The following TRHDE variants were observed in gnomAD, a reference collection of about 807,000 sequenced individuals.
TRHDE encodes thyrotropin-releasing hormone-degrading ectoenzyme.
In TRHDE, 72 loss-of-function variants were observed where a neutral mutation model predicts 125.7. That is an observed-to-expected ratio of 0.57 (90% CI 0.47 to 0.70). The LOEUF is 0.70. Ranked by LOEUF, TRHDE falls within the 30% of genes least tolerant of loss-of-function variation. The pLI is 0.00. For synonymous variants in TRHDE, 509 were observed against 509.1 expected (o/e 1.00, Z 0.00); for missense variants, 1,110 against 1,327.1 (o/e 0.84, Z 2.54).
At chr12:72,621,962 A>G (rs1019720266) in intron 15 of TRHDE, among the ~76,000 whole-genome samples, 1 of 152,146 alleles carries the variant, frequency 6.6e-6, no homozygotes, top group African/African-American at 2.4e-5. Context: ...CTTTATGCTA[A>G]CTTTATTAAT....
At chr12:72,383,381 T>TC (rs1377547188) in intron 3 of TRHDE, among the ~76,000 whole-genome samples, 2 of 146,154 alleles carry the variant, frequency 1.4e-5, no homozygotes, top group East Asian at 4.0e-4. Context: ...TTTTTTTTTT[T>TC]TTTTTTTTTT....
At chr12:72,392,174 T>C (rs141457422) in intron 3 of TRHDE, among the ~76,000 whole-genome samples, 2 of 152,290 alleles carry the variant, frequency 1.3e-5, no homozygotes, top group Admixed American at 1.3e-4. Flanking sequence ...AGAAAATACA[T>C]TTCTACTGTT....
At position 72,665,494 on chromosome 12, in the gene TRHDE, A is replaced by C. The variant is rs1875081363; in HGVS notation, c.*2299A>C. 1 of 152,460 alleles carries C rather than the reference A, an allele frequency of 6.6e-6. No homozygotes were observed. The highest frequency in any genetic ancestry group is 1.5e-5 in the Non-Finnish European group (1 of 67,948). The allele number at this position is 152,460 out of a possible 1,614,324, so 9.4% of individuals were successfully genotyped here. On this transcript the variant is annotated 3_prime_UTR_variant, in exon 19 of 19. Coordinates refer to ENST00000261180, the MANE Select transcript of TRHDE (RefSeq NM_013381.3). ...TTTTTGTTCTACATATTTTTCAATA[A>C]TTTATTCTTTCTAATGTTGAAATTA... is the stretch of plus-strand genomic sequence containing the variant.
At chr12:72,477,125 A>G (rs1389021066) in intron 5 of TRHDE, among the ~76,000 whole-genome samples, 1 of 152,184 alleles carries the variant, frequency 6.6e-6, no homozygotes, top group African/African-American at 2.4e-5. Context: ...TAGTAAGTCC[A>G]CATAATTTTT....
At chr12:72,606,748 T>TAATG (rs1483872675) in intron 12 of TRHDE, among the ~76,000 whole-genome samples, 1 of 152,172 alleles carries the variant, frequency 6.6e-6, no homozygotes, top group Non-Finnish European at 1.5e-5. Flanking sequence ...AAAAAGAGTG[T>TAATG]AATGAAACTG....
intron 1 of TRHDE, among the ~76,000 whole-genome samples, chr12:72,087,975 G>A (rs1874707270): frequency 6.6e-6 from 1 of 152,056 alleles, no homozygotes; most frequent in African/African-American, 2.4e-5. Flanking sequence ...GTGAAGTCAA[G>A]GAGGTATCCA....
intron 5 of TRHDE, among the ~76,000 whole-genome samples, chr12:72,479,200 A>C (rs1877043252): frequency 6.6e-6 from 1 of 152,182 alleles, no homozygotes; most frequent in Non-Finnish European, 1.5e-5. Flanking sequence ...GAAATTGTGT[A>C]GCACAGATAC....
intron 12 of TRHDE, among the ~76,000 whole-genome samples, chr12:72,607,301 T>G (rs982854226): frequency 1.3e-5 from 2 of 152,080 alleles, no homozygotes; most frequent in Non-Finnish European, 2.9e-5. Flanking sequence ...TTTGGCAAGA[T>G]TACTTCAGAG....
chr12:72,266,475 G>A (rs909949865), intron 2 of TRHDE, among the ~76,000 whole-genome samples: 1 of 151,260 alleles, frequency 6.6e-6, no homozygotes, highest in Admixed American at 6.6e-5. Flanking sequence ...ATGTTGTCAG[G>A]TTTTCTTTTT....
intron 2 of TRHDE, among the ~76,000 whole-genome samples, chr12:72,148,149 T>C (rs1246528221): frequency 6.6e-6 from 1 of 152,222 alleles, no homozygotes; most frequent in Non-Finnish European, 1.5e-5. Flanking sequence ...CTCAGGATCA[T>C]GGTGCTTATA....
chr12:72,192,625 C>G (rs1022449087), intron 2 of TRHDE, among the ~76,000 whole-genome samples: 6 of 152,022 alleles, frequency 3.9e-5, no homozygotes, highest in African/African-American at 1.4e-4. Flanking sequence ...TTAGCAAGAC[C>G]TGGATTTGAA....
intron 1 of TRHDE, among the ~76,000 whole-genome samples, chr12:72,102,322 A>G (rs1875087139): frequency 6.6e-6 from 1 of 152,148 alleles, no homozygotes; most frequent in Non-Finnish European, 1.5e-5. Flanking sequence ...GCTTTCTTTC[A>G]AGCCAGACTG....
intron 2 of TRHDE, among the ~76,000 whole-genome samples, chr12:72,330,055 C>G (rs1180011967): frequency 6.6e-6 from 1 of 152,180 alleles, no homozygotes; most frequent in East Asian, 1.9e-4. Flanking sequence ...TGCCTAGCCA[C>G]AAACACTGCT....
chr12:72,348,126 A>G (rs560364692), intron 2 of TRHDE, among the ~76,000 whole-genome samples: 4 of 152,058 alleles, frequency 2.6e-5, no homozygotes, highest in African/African-American at 7.2e-5. Flanking sequence ...ATATATGTAT[A>G]TACTTATATA....
chr12:72,322,345 C>T (rs1869134320), intron 2 of TRHDE, among the ~76,000 whole-genome samples: 1 of 151,920 alleles, frequency 6.6e-6, no homozygotes, highest in African/African-American at 2.4e-5. Context: ...TAAAATGGCC[C>T]CCAAATGTAG....
rs754618894 is a variant in TRHDE at position 72,378,094 on chromosome 12, A to G, written c.1288A>G (p.Lys430Glu). ...AATAGAATTTTATGAAGACTACTTT[A>G]AAGTGCCCTATTCCTTGCCAAAACT... ...RLIEFYEDYF[K>E]VPYSLPKLDL... The change falls in exon 3 of 19, where the codon AAA (lysine) becomes GAA (glutamate). Residue 430 changes from lysine to glutamate, a missense_variant. Transcript: ENST00000261180. 1.3e-5 allele frequency: 21 copies of G among 1,601,072 alleles called. No individual in the cohort carries two copies. Among genetic ancestry groups the G allele is most frequent in the Non-Finnish European group, 1.8e-5 (21 of 1,175,670 alleles).
intron 6 of TRHDE, among the ~76,000 whole-genome samples, chr12:72,528,135 AT>A (rs1868373487): frequency 2.0e-5 from 3 of 152,206 alleles, no homozygotes; most frequent in African/African-American, 7.2e-5. Context: ...TTGGGAAAGT[AT>A]TTTGTATTCA....
At chr12:72,435,975 C>A (rs181510448) in intron 3 of TRHDE, among the ~76,000 whole-genome samples, 1 of 151,912 alleles carries the variant, frequency 6.6e-6, no homozygotes, top group East Asian at 1.9e-4. Context: ...ATATGTTCCC[C>A]CCGACCAATA....
chr12:72,191,541 C>T (rs1877340388), intron 2 of TRHDE, among the ~76,000 whole-genome samples: 1 of 152,146 alleles, frequency 6.6e-6, no homozygotes, highest in South Asian at 2.1e-4. Flanking sequence ...TAAAATTCTG[C>T]AGACAACTGT....
Sources: allele counts gnomAD v4.1 joint callset (sites outside exome capture counted in the v4.1 genomes callset), GRCh38; gene constraint gnomAD v4.1.1; transcripts MANE v1.5; gene names NCBI Gene and HGNC (gene_info 2026-07-23, HGNC 2026-07-21).